The following TEX9 variants were observed in gnomAD, a reference collection of about 807,000 sequenced individuals.
TEX9 encodes testis-expressed protein 9.
TEX9 carries 74 observed loss-of-function variants against 59.6 expected under a neutral mutation model. The ratio of observed to expected loss-of-function variants is 1.24; its 90% CI spans 1.03 to 1.51. TEX9 has a LOEUF of 1.51. TEX9 is among the 40% of genes most tolerant of loss of function. TEX9 has a pLI of 0.00. For synonymous variants in TEX9, 186 were observed against 152.2 expected, an observed-to-expected ratio of 1.22 and a Z score of -1.64; for missense variants, 522 against 447.8, an observed-to-expected ratio of 1.17 and a Z score of -1.49.
intron 1 of TEX9, among the ~76,000 whole-genome samples, chr15:56,339,645 T>TA (rs2046336079): frequency 6.6e-6 from 1 of 152,036 alleles, no homozygotes; most frequent in African/African-American, 2.4e-5. Context: ...GTTCGAGACA[T>TA]TATGCACAGA....
chr15:56,312,923 C>T (rs1490468057), intron 1 of TEX9, among the ~76,000 whole-genome samples: 2 of 126,420 alleles, frequency 1.6e-5, no homozygotes, highest in Admixed American at 1.7e-4. Flanking sequence ...AATGGGAGTT[C>T]ACTCATGATT....
chr15:56,360,050 A>T (rs776407525), intron 1 of TEX9, among the ~76,000 whole-genome samples: 42 of 152,124 alleles, frequency 2.8e-4, no homozygotes, highest in Non-Finnish European at 4.7e-4. Flanking sequence ...ATTTTAGAAT[A>T]TTGAACCATC....
chr15:56,420,598 ACG>A (rs2049934882), intron 10 of TEX9, among the ~76,000 whole-genome samples: 1 of 150,978 alleles, frequency 6.6e-6, no homozygotes, highest in African/African-American at 2.5e-5. Context: ...GTGAGCCATC[ACG>A]CCTGGCCTCT....
chr15:56,365,361 G>A (rs1047956319), upstream of TEX9: 163 of 1,513,450 alleles, frequency 1.1e-4, no homozygotes, highest in Non-Finnish European at 1.4e-4. Flanking sequence ...GTGGGAAGGC[G>A]TAGGCGCCCG....
chr15:56,394,297 G>A (rs2048352321), intron 8 of TEX9, 50 bp downstream of exon 8: 10 of 1,432,768 alleles, frequency 7.0e-6, no homozygotes, highest in Non-Finnish European at 7.6e-6. Flanking sequence ...AGATATTTTA[G>A]GAGCAATTTC....
downstream of TEX9, among the ~76,000 whole-genome samples, chr15:56,450,262 T>C (rs1596265777): frequency 6.6e-6 from 1 of 152,176 alleles, no homozygotes; most frequent in Non-Finnish European, 1.5e-5. Context: ...CATGTGAAAA[T>C]ATATGTAACA....
intron 1 of TEX9, among the ~76,000 whole-genome samples, chr15:56,332,953 T>G (rs1189326229): frequency 1.3e-5 from 2 of 152,054 alleles, no homozygotes; most frequent in African/African-American, 4.8e-5. Flanking sequence ...ACATAAAACC[T>G]ACCAAAATTG....
At chr15:56,302,558 C>G (rs373927959) in intron 1 of TEX9, among the ~76,000 whole-genome samples, 6 of 151,430 alleles carry the variant, frequency 4.0e-5, no homozygotes, top group East Asian at 3.9e-4. Flanking sequence ...ACGAAAGATA[C>G]ACAAAAAGTA....
chr15:56,439,570 A>G (rs1321321203), intron 12 of TEX9, among the ~76,000 whole-genome samples: 1 of 152,158 alleles, frequency 6.6e-6, no homozygotes, highest in Admixed American at 6.6e-5. Context: ...CCATACAAAC[A>G]TGCCAACTGT....
chr15:56,401,707 C>A (rs2048793542), intron 9 of TEX9, among the ~76,000 whole-genome samples: 1 of 152,152 alleles, frequency 6.6e-6, no homozygotes, highest in Non-Finnish European at 1.5e-5. Context: ...CACACTTATT[C>A]TAAAATTGAC....
chr15:56,370,719 C>T lies in TEX9; in HGVS notation c.120-2722C>T, dbSNP rs546172760. On this transcript the variant is annotated intron_variant, in intron 2 of 12. Coordinates refer to ENST00000352903, the Ensembl canonical transcript of TEX9. ...GATTTGGTAGTTTAGGGAGTACTCT[C>T]TTTAAAATTCTGTATTTTCACTGTG... is the stretch of plus-strand genomic sequence containing the variant. Among the ~76,000 whole-genome samples the T allele has an allele frequency of 2.0e-5, 3 of 152,304 alleles. No individual in the cohort carries two copies. In the South Asian group the frequency reaches 6.2e-4, roughly 32 times the overall value.
intron 9 of TEX9, among the ~76,000 whole-genome samples, chr15:56,399,355 T>G (rs2048654192): frequency 6.6e-6 from 1 of 152,244 alleles, no homozygotes; most frequent in Non-Finnish European, 1.5e-5. Flanking sequence ...CCTTGCTCAC[T>G]GCTAGTGCAG....
intron 9 of TEX9, among the ~76,000 whole-genome samples, chr15:56,404,941 T>C (rs1245176054): frequency 6.6e-6 from 1 of 151,972 alleles, no homozygotes; most frequent in Non-Finnish European, 1.5e-5. Context: ...ATGAGACCAC[T>C]TGGACACAGG....
intron 1 of TEX9, among the ~76,000 whole-genome samples, chr15:56,308,356 T>C (rs1257965662): frequency 6.6e-6 from 1 of 152,206 alleles, no homozygotes; most frequent in Non-Finnish European, 1.5e-5. Flanking sequence ...GCTTATTGAC[T>C]ATTTGTCTTT....
chr15:56,457,362 A>T, the TEX9 span, among the ~76,000 whole-genome samples: 13 of 152,214 alleles, frequency 8.5e-5, no homozygotes, highest in Non-Finnish European at 1.6e-4. Flanking sequence ...CCATCAGGAA[A>T]TGCAAATTAG....
chr15:56,376,928 T>C (rs977491340), intron 3 of TEX9, among the ~76,000 whole-genome samples: 6 of 152,244 alleles, frequency 3.9e-5, no homozygotes, highest in Non-Finnish European at 7.3e-5. Flanking sequence ...TTGATACTTG[T>C]ATATGGCAAG....
At chr15:56,385,618 G>A (rs1463483730) in intron 4 of TEX9, among the ~76,000 whole-genome samples, 1 of 152,120 alleles carries the variant, frequency 6.6e-6, no homozygotes, top group African/African-American at 2.4e-5. Flanking sequence ...AAGAATTGTA[G>A]GTGATGTAAT....
At chr15:56,309,692 AGTTT>A (rs2045560655) in intron 1 of TEX9, among the ~76,000 whole-genome samples, 1 of 46,004 alleles carries the variant, frequency 2.2e-5, no homozygotes, top group Non-Finnish European at 4.3e-5. Flanking sequence ...TTTTATGGGA[AGTTT>A]TTTTTTTTTT....
At chr15:56,389,559 C>T (rs1252419872) in intron 6 of TEX9, among the ~76,000 whole-genome samples, 159 bp downstream of exon 6, 1 of 151,906 alleles carries the variant, frequency 6.6e-6, no homozygotes, top group Non-Finnish European at 1.5e-5. Context: ...TAATTTAGAA[C>T]ATTTTCTACT....
Sources: allele counts gnomAD v4.1 joint callset (sites outside exome capture counted in the v4.1 genomes callset), GRCh38; gene constraint gnomAD v4.1.1; transcripts MANE v1.5; gene names NCBI Gene and HGNC (gene_info 2026-07-23, HGNC 2026-07-21).